Variants in DCAF6 observed in about 807,000 individuals in gnomAD.
DCAF6 encodes the protein DDB1- and CUL4-associated factor 6.
Under a neutral mutation model 125.1 loss-of-function variants are expected in DCAF6, and 54 were observed. The ratio of observed to expected loss-of-function variants is 0.43; its 90% CI spans 0.35 to 0.54. DCAF6 has a LOEUF of 0.54. Ranked by LOEUF, DCAF6 falls within the 20% of genes least tolerant of loss-of-function variation. The pLI, the probability that DCAF6 is intolerant of heterozygous loss-of-function variation, is 0.01. For synonymous variants in DCAF6, 371 were observed against 390.4 expected (o/e 0.95, Z 0.58); for missense variants, 934 against 1,161.7 (o/e 0.80, Z 2.85).
At chr1:167,904,842 C>T in the DCAF6 span, 1 of 987,620 alleles carries the variant, frequency 1.0e-6, no homozygotes, top group Non-Finnish European at 1.6e-6. Flanking sequence ...CAAGCTATTT[C>T]CTCCCTCTTG....
chr1:167,883,981 ATAG>A, the DCAF6 span, among the ~76,000 whole-genome samples: 2 of 152,164 alleles, frequency 1.3e-5, no homozygotes, highest in Non-Finnish European at 2.9e-5. Flanking sequence ...TTGTAGGTCT[ATAG>A]TAGATGTATA....
intron 21 of DCAF6, among the ~76,000 whole-genome samples, chr1:168,074,960 G>A (rs764660277): frequency 1.3e-5 from 2 of 152,164 alleles, no homozygotes; most frequent in African/African-American, 4.8e-5. Flanking sequence ...CTGGAACATA[G>A]TATTTAATTT....
chr1:167,985,011 G>T (rs1475033337), intron 4 of DCAF6, among the ~76,000 whole-genome samples: 1 of 152,150 alleles, frequency 6.6e-6, no homozygotes, highest in Admixed American at 6.5e-5. Context: ...AAGAGAGCTT[G>T]TGTGGAAAAA....
At chr1:168,013,044 C>T (rs1446103697) in intron 10 of DCAF6, among the ~76,000 whole-genome samples, 1 of 152,128 alleles carries the variant, frequency 6.6e-6, no homozygotes, top group African/African-American at 2.4e-5. Flanking sequence ...TGGCCTCTCT[C>T]ATAGATTTCT....
the DCAF6 span, among the ~76,000 whole-genome samples, chr1:167,883,103 T>C: frequency 6.6e-6 from 1 of 152,246 alleles, no homozygotes; most frequent in East Asian, 1.9e-4. Context: ...AGTGGTGCGA[T>C]CTCGGCTCAC....
At chr1:168,075,236 A>T in intron 21 of DCAF6, 135 bp from the exon 22 acceptor site, 1 of 696,738 alleles carries the variant, frequency 1.4e-6, no homozygotes, top group Non-Finnish European at 2.3e-6. Context: ...TTACTCTTTT[A>T]TTTGCCTCTA....
the DCAF6 span, chr1:167,901,988 C>A: frequency 6.2e-7 from 1 of 1,613,558 alleles, no homozygotes; most frequent in Non-Finnish European, 8.5e-7. Context: ...TCCTTTCTTA[C>A]CCCTTCTATC....
intron 7 of DCAF6, among the ~76,000 whole-genome samples, chr1:167,995,217 T>C (rs1288435797): frequency 6.6e-6 from 1 of 152,208 alleles, no homozygotes; most frequent in East Asian, 1.9e-4. Context: ...ATAGACATTT[T>C]AAGTGGGCCA....
In DCAF6 at chr1:168,075,608, G is replaced by T; in HGVS notation, c.*173G>T. ...AATGATTGTGTGCATGAATTTGGGA[G>T]ATTGTATAAAACAAAACTAGCAGAA... On this transcript the variant is annotated 3_prime_UTR_variant, in exon 22 of 22. Coordinates refer to ENST00000367840, the MANE Select transcript of DCAF6 (RefSeq NM_001198956.2). 1.8e-6 allele frequency: 1 copy of T among 558,606 alleles called. No individual in the cohort carries two copies. Among genetic ancestry groups the T allele is most frequent in the Non-Finnish European group, 3.0e-6 (1 of 328,572 alleles). The allele number at this position is 558,606 out of a possible 1,614,324, so 34.6% of individuals were successfully genotyped here.
the DCAF6 span, among the ~76,000 whole-genome samples, chr1:167,895,846 A>T: frequency 6.6e-6 from 1 of 152,244 alleles, no homozygotes; most frequent in Non-Finnish European, 1.5e-5. Context: ...TGAGTAGAGA[A>T]GACTAGAAGG....
At chr1:167,941,654 C>G (rs1180363286) in intron 1 of DCAF6, among the ~76,000 whole-genome samples, 1 of 151,844 alleles carries the variant, frequency 6.6e-6, no homozygotes, top group Non-Finnish European at 1.5e-5. Context: ...GAAAATTGTT[C>G]TAGATGGTGT....
chr1:167,895,600 C>T, the DCAF6 span, among the ~76,000 whole-genome samples: 2 of 152,270 alleles, frequency 1.3e-5, no homozygotes, highest in African/African-American at 4.8e-5. Context: ...CAGTGGAAGT[C>T]GCCCATAGGT....
At chr1:167,888,427 T>A in the DCAF6 span, among the ~76,000 whole-genome samples, 1 of 152,160 alleles carries the variant, frequency 6.6e-6, no homozygotes. Flanking sequence ...TTTTGTGGCC[T>A]CTTCAACTTC....
chr1:167,903,212 T>A, the DCAF6 span, among the ~76,000 whole-genome samples: 70 of 151,854 alleles, frequency 4.6e-4, no homozygotes, highest in East Asian at 9.5e-3. Context: ...GCTGAGATCG[T>A]GCCACTGCAC....
At chr1:167,973,560 G>C (rs1046136117) in intron 3 of DCAF6, among the ~76,000 whole-genome samples, 1 of 152,062 alleles carries the variant, frequency 6.6e-6, no homozygotes, top group African/African-American at 2.4e-5. Context: ...GTAAATAAGA[G>C]CATTTTCTCT....
At chr1:167,969,878 G>A (rs1275899415) in intron 3 of DCAF6, among the ~76,000 whole-genome samples, 1 of 152,200 alleles carries the variant, frequency 6.6e-6, no homozygotes, top group African/African-American at 2.4e-5. Context: ...CCAGATTCAA[G>A]AGTTTCTCCT....
the DCAF6 span, among the ~76,000 whole-genome samples, chr1:167,884,801 G>A: frequency 1.8e-3 from 278 of 150,790 alleles, 1 homozygote; most frequent in African/African-American, 6.3e-3. Flanking sequence ...GGGTTCAAGC[G>A]ATTCTCCTGC....
intron 11 of DCAF6, 60 bp from the exon 12 acceptor site, chr1:168,022,928 G>T: frequency 1.4e-6 from 2 of 1,441,240 alleles, no homozygotes; most frequent in South Asian, 1.2e-5. Flanking sequence ...AGATGATCAT[G>T]ACATTGCTGT....
intron 1 of DCAF6, among the ~76,000 whole-genome samples, chr1:167,941,485 T>C (rs203790): frequency 6.6e-5 from 10 of 152,240 alleles, no homozygotes; most frequent in African/African-American, 2.4e-4. Flanking sequence ...AAAGTACATT[T>C]ATGTGGCAAC....
Sources: gnomAD v4.1 joint callset for allele counts (sites outside exome capture counted in the v4.1 genomes callset) on GRCh38, gnomAD v4.1.1 for gene constraint, MANE v1.5 for transcripts, NCBI Gene and HGNC (gene_info 2026-07-23, HGNC 2026-07-21) for gene names.